The following PSMF1 variants were observed in gnomAD, a reference collection of about 807,000 sequenced individuals.
PSMF1 encodes proteasome inhibitor PI31 subunit.
In PSMF1, 30 loss-of-function variants were observed where a neutral mutation model predicts 29.3. The observed-to-expected ratio is 1.02, with a 90% confidence interval of 0.77 to 1.39. The LOEUF is 1.39. PSMF1 is among the 40% of genes most tolerant of loss of function. PSMF1 has a pLI of 0.00. For missense variants in PSMF1, 344 were observed against 357.5 expected (o/e 0.96, Z 0.31); for synonymous variants, 134 against 139.7 (o/e 0.96, Z 0.29).
chr20:1,159,757 A>C (rs2086643416), intron 4 of PSMF1, among the ~76,000 whole-genome samples: 1 of 152,198 alleles, frequency 6.6e-6, no homozygotes, highest in Non-Finnish European at 1.5e-5. Flanking sequence ...GCTTGGGAGC[A>C]GTAACCTAGG....
chr20:1,139,854 C>G (rs6133989), intron 4 of PSMF1, among the ~76,000 whole-genome samples: 25,381 of 151,710 alleles, frequency 0.17, 2,588 homozygotes, highest in East Asian at 0.53. Flanking sequence ...GAATATAATA[C>G]GTAAAAATAA....
chr20:1,118,945 C>T (rs1466400821), intron 1 of PSMF1, 43 bp downstream of exon 1: 2 of 1,605,744 alleles, frequency 1.2e-6, no homozygotes, highest in Admixed American at 3.4e-5. Context: ...GAACTGTCTT[C>T]TGCCCAAACT....
chr20:1,166,045 C>T lies in PSMF1; in HGVS notation c.*965C>T, dbSNP rs1235284719. The T allele has an allele frequency of 1.5e-5, 22 of 1,466,570 alleles. No individual in the cohort carries two copies. Among genetic ancestry groups the T allele is most frequent in the Admixed American group, 2.4e-5 (1 of 41,928 alleles). The allele number at this position is 1,466,570 out of a possible 1,614,324, so 90.8% of individuals were successfully genotyped here. ...AAAAGAATGATGGTTCAAGGCCATA[C>T]TTCCCTTGAACCTTGTGTGGTTCTT... On this transcript the variant is annotated 3_prime_UTR_variant, in exon 7 of 7. Coordinates refer to ENST00000335877, the MANE Select transcript of PSMF1 (RefSeq NM_006814.5).
chr20:1,125,724 T>C, intron 2 of PSMF1, 74 bp downstream of exon 2: 1 of 1,532,170 alleles, frequency 6.5e-7, no homozygotes, highest in Non-Finnish European at 8.8e-7. Context: ...CATTTAACGG[T>C]ACGAATCCAG....
At chr20:1,116,289 A>G (rs903962377), upstream of PSMF1, among the ~76,000 whole-genome samples, 3 of 152,222 alleles carry the variant, frequency 2.0e-5, no homozygotes, top group Non-Finnish European at 2.9e-5. Context: ...GGGAAGACTG[A>G]AAGTGCAGAA....
rs2072962 is a variant in PSMF1, at chr20:1,118,686, A to G, written c.-88A>G. ...GCAAGAACCAGCGCAAGAGGGAAGC[A>G]GAGTTATAGCTACCCCGGCCGCGGA... is the stretch of plus-strand genomic sequence containing the variant. On this transcript the variant is annotated 5_prime_UTR_variant, in exon 1 of 7. Coordinates refer to ENST00000335877, the MANE Select transcript of PSMF1 (RefSeq NM_006814.5). The G allele has an allele frequency of 0.81, 1,153,559 of 1,429,422 alleles. 468,906 individuals carry two copies. Among genetic ancestry groups the G allele is most frequent in the Non-Finnish European group, 0.83 (875,792 of 1,058,038 alleles). 88.5% of individuals were successfully genotyped at this position (1,429,422 alleles called of 1,614,324 possible).
chr20:1,138,687 T>A (rs2086340937), intron 4 of PSMF1, among the ~76,000 whole-genome samples: 1 of 151,882 alleles, frequency 6.6e-6, no homozygotes, highest in Admixed American at 6.6e-5. Context: ...TAGCCAGGCT[T>A]GATGGCATAT....
chr20:1,137,268 C>G (rs2086318884), intron 4 of PSMF1, among the ~76,000 whole-genome samples: 1 of 152,102 alleles, frequency 6.6e-6, no homozygotes, highest in African/African-American at 2.4e-5. Flanking sequence ...AGAAAATCAC[C>G]ATGTTGCAAC....
rs2086717673 is a variant in PSMF1 at position 1,165,430 on chromosome 20, GTTA to G, written c.*357_*359del. On this transcript the variant is annotated 3_prime_UTR_variant, in exon 7 of 7. Coordinates refer to ENST00000335877, the MANE Select transcript of PSMF1 (RefSeq NM_006814.5). ...TATAAGAACAGAACGCATTTTGGAT[GTTA>G]TTATTAAGAACCAAATGTCAATACA... 2.6e-5 allele frequency: 29 copies of G among 1,108,904 alleles called. No homozygotes were observed. In the South Asian group the frequency reaches 5.8e-4, roughly 22 times the overall value. 68.7% of individuals were successfully genotyped at this position (1,108,904 alleles called of 1,614,324 possible).
chr20:1,121,643 A>G (rs985635939), intron 1 of PSMF1, among the ~76,000 whole-genome samples: 1 of 152,146 alleles, frequency 6.6e-6, no homozygotes, highest in Non-Finnish European at 1.5e-5. Flanking sequence ...GGGGGTGATA[A>G]GAAGGAGAGG....
At chr20:1,133,547 A>G (rs1259252522) in intron 3 of PSMF1, among the ~76,000 whole-genome samples, 9 of 63,052 alleles carry the variant, frequency 1.4e-4, no homozygotes, top group African/African-American at 4.7e-4. Flanking sequence ...ATACTAGTCT[A>G]TATATGTGTA....
intron 4 of PSMF1, among the ~76,000 whole-genome samples, chr20:1,154,900 G>A (rs1000536467): frequency 4.6e-5 from 7 of 152,218 alleles, no homozygotes; most frequent in African/African-American, 1.4e-4. Flanking sequence ...TCAGCCACAG[G>A]TACAGATTAG....
In PSMF1 at chr20:1,127,847, T is replaced by TA. The variant is rs527479832; in HGVS notation, c.365+348dup. On this transcript the variant is annotated intron_variant, in intron 3 of 6. Transcript: ENST00000335877. ...CCCCAACCCCAATCTCCAACTTATT[T>TA]AAAAAAAAATTATTTTCTTTAGGGT... Among the ~76,000 whole-genome samples, 5 of 151,594 alleles carry TA rather than the reference T, an allele frequency of 3.3e-5. No individual in the cohort carries two copies. The South Asian group carries it at 8.3e-4, about 25-fold the overall frequency.
In PSMF1 at chr20:1,146,052, G is replaced by A. The variant is rs76227853; in HGVS notation, c.551+10746G>A. Among the ~76,000 whole-genome samples, 60 of 152,220 alleles carry A rather than the reference G, an allele frequency of 3.9e-4. No homozygotes were observed. The East Asian group carries it at 7.3e-3, about 19-fold the overall frequency. ...CTATTCAGCAAATGTTTTTCTCTGT[G>A]GGTTCAGGGATCCTAGGGTTGGGCC... is the stretch of plus-strand genomic sequence containing the variant. On this transcript the variant is annotated intron_variant, in intron 4 of 6. Coordinates refer to ENST00000335877, the MANE Select transcript of PSMF1 (RefSeq NM_006814.5).
At chr20:1,125,382 C>T in intron 1 of PSMF1, 116 bp from the exon 2 acceptor site, 2 of 1,144,330 alleles carry the variant, frequency 1.7e-6, no homozygotes, top group Non-Finnish European at 2.4e-6. Context: ...TTTCTCTTGA[C>T]CTCCACATCT....
intron 4 of PSMF1, among the ~76,000 whole-genome samples, chr20:1,152,980 T>C (rs2086550545): frequency 1.3e-5 from 2 of 152,246 alleles, no homozygotes; most frequent in African/African-American, 4.8e-5. Flanking sequence ...GGACCAAGCC[T>C]GTTTATAGAG....
Position 1,165,350 on chromosome 20 carries a change from C to G in PSMF1, c.*270C>G, listed in dbSNP as rs2086716296. On this transcript the variant is annotated 3_prime_UTR_variant, in exon 7 of 7. Coordinates refer to ENST00000335877, the MANE Select transcript of PSMF1 (RefSeq NM_006814.5). ...TTCACCACCAGCTCCTCTCCACTTCCCAAGGGAGACTCCGGCAACCTTCAG... is the reference window on the plus strand; with the variant it reads ...TTCACCACCAGCTCCTCTCCACTTCGCAAGGGAGACTCCGGCAACCTTCAG... 1 of 1,360,798 alleles carries G rather than the reference C, an allele frequency of 7.3e-7. No homozygotes were observed. The highest frequency in any genetic ancestry group is 1.8e-5 in the South Asian group (1 of 54,148). The allele number at this position is 1,360,798 out of a possible 1,614,324, so 84.3% of individuals were successfully genotyped here.
At chr20:1,159,520 G>T (rs774581378) in intron 4 of PSMF1, among the ~76,000 whole-genome samples, 1 of 152,086 alleles carries the variant, frequency 6.6e-6, no homozygotes, top group Non-Finnish European at 1.5e-5. Context: ...CCCACATTTC[G>T]TGGGCCAGAG....
intron 1 of PSMF1, among the ~76,000 whole-genome samples, chr20:1,124,951 G>A (rs1045585690): frequency 2.0e-4 from 30 of 152,208 alleles, no homozygotes; most frequent in African/African-American, 6.3e-4. Flanking sequence ...GGCTTTAGCA[G>A]TATTGCTGAT....
Sources: allele counts gnomAD v4.1 joint callset (sites outside exome capture counted in the v4.1 genomes callset), GRCh38; gene constraint gnomAD v4.1.1; transcripts MANE v1.5; gene names NCBI Gene and HGNC (gene_info 2026-07-23, HGNC 2026-07-21).